The following C6 variants were observed in gnomAD, a reference collection of about 807,000 sequenced individuals.
C6 encodes the protein complement C6.
In C6, 101 loss-of-function variants were observed where a neutral mutation model predicts 112.9. That is an observed-to-expected ratio of 0.89 (90% CI 0.76 to 1.06). The LOEUF (loss-of-function observed/expected upper bound fraction) is 1.06, where lower values mean the gene tolerates loss of function less well. Among genes scored for constraint, C6 ranks in the 50% least tolerant of loss-of-function variants. C6 has a pLI of 0.00. For missense variants in C6, 1,202 were observed against 1,104.6 expected (o/e 1.09, Z -1.25); for synonymous variants, 431 against 384.1 (o/e 1.12, Z -1.43).
At chr5:41,166,399 G>T (rs183400307) in intron 9 of C6, among the ~76,000 whole-genome samples, 101 of 152,048 alleles carry the variant, frequency 6.6e-4, no homozygotes, top group African/African-American at 2.3e-3. Flanking sequence ...CTATAAAATG[G>T]GGGTAATAAT....
At chr5:41,219,030 C>A (rs1275966637) in intron 1 of C6, among the ~76,000 whole-genome samples, 1 of 152,118 alleles carries the variant, frequency 6.6e-6, no homozygotes, top group Non-Finnish European at 1.5e-5. Context: ...CAAACAATTG[C>A]AAACAATTTC....
At chr5:41,221,724 A>G (rs1266315438) in intron 1 of C6, among the ~76,000 whole-genome samples, 1 of 152,236 alleles carries the variant, frequency 6.6e-6, no homozygotes, top group Non-Finnish European at 1.5e-5. Flanking sequence ...TTCAATAGTT[A>G]TTCAAAAAAG....
At chr5:41,172,164 C>T in intron 9 of C6, 61 bp downstream of exon 9, 1 of 1,562,174 alleles carries the variant, frequency 6.4e-7, no homozygotes, top group Non-Finnish European at 8.8e-7. Flanking sequence ...CCAATATGGT[C>T]TGTAAATGAC....
intron 6 of C6, 122 bp downstream of exon 6, chr5:41,185,948 C>T (rs370667788): frequency 8.0e-5 from 93 of 1,167,090 alleles, no homozygotes; most frequent in East Asian, 5.2e-4. Context: ...ACACATAACA[C>T]GTGATTAAAA....
chr5:41,214,346 G>C (rs1752114068), upstream of C6, among the ~76,000 whole-genome samples: 1 of 152,078 alleles, frequency 6.6e-6, no homozygotes, highest in South Asian at 2.1e-4. Context: ...TTATCACATG[G>C]TGGGAAATGA....
intron 1 of C6, among the ~76,000 whole-genome samples, chr5:41,210,723 A>G (rs1751848432): frequency 6.6e-6 from 1 of 152,198 alleles, no homozygotes; most frequent in Admixed American, 6.5e-5. Flanking sequence ...GCGATCATTA[A>G]AAAGTGAGGA....
intron 1 of C6, among the ~76,000 whole-genome samples, chr5:41,244,959 T>C (rs779104332): frequency 1.3e-5 from 2 of 152,366 alleles, no homozygotes; most frequent in South Asian, 4.1e-4. Flanking sequence ...TGTTGATTGA[T>C]TTTTTAATGT....
In C6 at chr5:41,172,277, T is replaced by C; in HGVS notation, c.1239A>G (p.Lys413=). ...ETKKRVLFAK[K]TKVEHRCTTN... is the part of the protein sequence containing the mutation. Reference sequence around the variant, plus strand: ...TGGTGCACCTATGTTCCACTTTTGTTTTCTTAGCAAATAAAACGCGTTTCT... The same window carrying C: ...TGGTGCACCTATGTTCCACTTTTGTCTTCTTAGCAAATAAAACGCGTTTCT... Residue 413 remains lysine (K), a synonymous_variant, in exon 9 of 18, where the codon AAA becomes AAG. Coordinates refer to ENST00000337836, the MANE Select transcript of C6 (RefSeq NM_000065.5). The C allele has an allele frequency of 6.2e-7, 1 of 1,613,840 alleles. No homozygotes were observed. The highest frequency in any genetic ancestry group is 8.5e-7 in the Non-Finnish European group (1 of 1,179,806).
At chr5:41,208,360 T>G (rs1751608719) in intron 1 of C6, among the ~76,000 whole-genome samples, 1 of 151,676 alleles carries the variant, frequency 6.6e-6, no homozygotes, top group African/African-American at 2.4e-5. Context: ...AGGCAAGAAA[T>G]AACTAAGATC....
intron 1 of C6, among the ~76,000 whole-genome samples, chr5:41,243,940 A>G (rs181371454): frequency 1.1e-4 from 16 of 152,292 alleles, no homozygotes; most frequent in African/African-American, 3.6e-4. Flanking sequence ...TGCCTACACT[A>G]AAAACCAAGG....
At chr5:41,156,388 T>C (rs1171536064) in intron 13 of C6, among the ~76,000 whole-genome samples, 15 of 152,156 alleles carry the variant, frequency 9.9e-5, no homozygotes, top group Non-Finnish European at 8.8e-5. Context: ...GTTTATCACG[T>C]TTATCAGCCC....
intron 1 of C6, among the ~76,000 whole-genome samples, chr5:41,260,440 A>G (rs1277647502): frequency 1.4e-5 from 2 of 141,776 alleles, no homozygotes; most frequent in Non-Finnish European, 3.0e-5. Flanking sequence ...GTAAAAACAA[A>G]CAAATAAACC....
intron 1 of C6, among the ~76,000 whole-genome samples, chr5:41,205,871 TG>T (rs927628764): frequency 2.0e-5 from 3 of 152,180 alleles, no homozygotes; most frequent in Non-Finnish European, 4.4e-5. Flanking sequence ...AAGAGAGTAG[TG>T]GTCTCCCAGC....
At chr5:41,153,723 T>C in intron 15 of C6, 87 bp downstream of exon 15, 6 of 1,047,164 alleles carry the variant, frequency 5.7e-6, no homozygotes, top group Middle Eastern at 3.1e-4. Context: ...TCTCAGTGCT[T>C]AAGAAATATA....
intron 4 of C6, among the ~76,000 whole-genome samples, chr5:41,196,980 A>G (rs1750667606): frequency 6.6e-6 from 1 of 152,128 alleles, no homozygotes; most frequent in Non-Finnish European, 1.5e-5. Flanking sequence ...ACCAGTATGT[A>G]CAGGTCCAAC....
chr5:41,215,727 G>C (rs1366194568), upstream of C6, among the ~76,000 whole-genome samples: 1 of 152,086 alleles, frequency 6.6e-6, no homozygotes, highest in African/African-American at 2.4e-5. Context: ...TTAAGATGGA[G>C]CAATTATCAT....
At chr5:41,155,706 G>GCAA (rs1283137334) in intron 13 of C6, among the ~76,000 whole-genome samples, 1 of 151,486 alleles carries the variant, frequency 6.6e-6, no homozygotes, top group Non-Finnish European at 1.5e-5. Context: ...TTCAGCGTGG[G>GCAA]CAACAGAGTG....
chr5:41,153,679 A>G (rs1746621343), intron 15 of C6, 131 bp downstream of exon 15: 1 of 700,010 alleles, frequency 1.4e-6, no homozygotes, highest in Non-Finnish European at 2.5e-6. Context: ...TTCCGGTTTG[A>G]CCCACACTGT....
chr5:41,186,793 A>T (rs1206034443), intron 5 of C6, among the ~76,000 whole-genome samples: 1 of 152,084 alleles, frequency 6.6e-6, no homozygotes, highest in Non-Finnish European at 1.5e-5. Flanking sequence ...AATAACTTAT[A>T]TTTATTACAA....
Sources: allele counts gnomAD v4.1 joint callset (sites outside exome capture counted in the v4.1 genomes callset), GRCh38; gene constraint gnomAD v4.1.1; transcripts MANE v1.5; gene names NCBI Gene and HGNC (gene_info 2026-07-23, HGNC 2026-07-21).